NRXN1: variants seen among roughly 807,000 people sequenced by gnomAD.
NRXN1 encodes neurexin 1.
In NRXN1, 39 loss-of-function variants were observed where a neutral mutation model predicts 150.9. The observed-to-expected ratio is 0.26, with a 90% CI of 0.20 to 0.34. The LOEUF is 0.34. NRXN1 is among the 10% of genes least tolerant of loss of function. The pLI is 1.00. For missense variants in NRXN1, 1,815 were observed against 1,949.9 expected, an observed-to-expected ratio of 0.93 and a Z score of 1.30; for synonymous variants, 924 against 757.0, an observed-to-expected ratio of 1.22 and a Z score of -3.62.
At chr2:50,664,662 C>T (rs1052130839) in intron 5 of NRXN1, among the ~76,000 whole-genome samples, 5 of 151,540 alleles carry the variant, frequency 3.3e-5, no homozygotes, top group East Asian at 2.0e-4. Flanking sequence ...CTAGCTAGCT[C>T]ATCTCATCCA....
chr2:50,009,660 AAGAG>A (rs1402908464), intron 21 of NRXN1, among the ~76,000 whole-genome samples: 2 of 152,142 alleles, frequency 1.3e-5, no homozygotes, highest in Non-Finnish European at 1.5e-5. Context: ...ATCGTACAAA[AAGAG>A]AGACATATCC....
chr2:50,736,238 C>T (rs1698730677), intron 5 of NRXN1, among the ~76,000 whole-genome samples: 1 of 152,118 alleles, frequency 6.6e-6, no homozygotes, highest in African/African-American at 2.4e-5. Flanking sequence ...TTACATTAAA[C>T]ATCTTGTCAT....
intron 18 of NRXN1, among the ~76,000 whole-genome samples, chr2:50,133,860 A>C (rs1705949575): frequency 6.6e-6 from 1 of 152,214 alleles, no homozygotes; most frequent in Non-Finnish European, 1.5e-5. Context: ...GAAGACTAGG[A>C]TACATTTATT....
intron 5 of NRXN1, among the ~76,000 whole-genome samples, chr2:50,904,969 T>A (rs919045218): frequency 1.3e-5 from 2 of 152,094 alleles, no homozygotes; most frequent in South Asian, 4.1e-4. Context: ...ATTCAACTAC[T>A]CCAATGTCTT....
At chr2:50,589,035 C>G (rs780737360) in intron 8 of NRXN1, 1 of 151,966 alleles carries the variant, frequency 6.6e-6, no homozygotes, top group African/African-American at 2.4e-5. Context: ...ATCCCGAAGC[C>G]CGGTAGGATG....
intron 17 of NRXN1, among the ~76,000 whole-genome samples, chr2:50,444,772 T>TC (rs764084252): frequency 2.3e-4 from 35 of 152,314 alleles, no homozygotes; most frequent in Non-Finnish European, 4.6e-4. Flanking sequence ...AACAGTGGTA[T>TC]CCTGAGCTGT....
chr2:50,223,931 A>G (rs1273466287), intron 18 of NRXN1, among the ~76,000 whole-genome samples: 2 of 151,954 alleles, frequency 1.3e-5, no homozygotes, highest in Non-Finnish European at 2.9e-5. Flanking sequence ...CATAAGGCCA[A>G]TACCCTCCTA....
intron 8 of NRXN1, among the ~76,000 whole-genome samples, chr2:50,568,418 C>T (rs1406928192): frequency 2.0e-5 from 3 of 152,046 alleles, no homozygotes; most frequent in African/African-American, 7.2e-5. Flanking sequence ...AATACCAGAA[C>T]ATGCAGAAGT....
chr2:50,492,975 C>A (rs1558824738), intron 15 of NRXN1, among the ~76,000 whole-genome samples: 1 of 152,116 alleles, frequency 6.6e-6, no homozygotes, highest in Non-Finnish European at 1.5e-5. Flanking sequence ...CTTGGTTGGT[C>A]TGAGATAGGA....
intron 17 of NRXN1, among the ~76,000 whole-genome samples, chr2:50,452,441 T>C (rs1361846733): frequency 3.3e-5 from 5 of 152,204 alleles, no homozygotes; most frequent in Non-Finnish European, 5.9e-5. Context: ...CCTCATTTTA[T>C]AATGAGGAAA....
chr2:51,016,367 G>A, intron 2 of NRXN1, among the ~76,000 whole-genome samples: 1 of 152,060 alleles, frequency 6.6e-6, no homozygotes, highest in Middle Eastern at 3.2e-3. Context: ...ATCTGACAAA[G>A]GGCTAATATC....
intron 8 of NRXN1, among the ~76,000 whole-genome samples, chr2:50,590,247 C>CT (rs35793921): frequency 2.0e-5 from 3 of 152,048 alleles, no homozygotes; most frequent in South Asian, 2.1e-4. Flanking sequence ...ATTGTATTTA[C>CT]TTTTTTAAAA....
chr2:50,479,864 C>A (rs1195573995), intron 15 of NRXN1, among the ~76,000 whole-genome samples: 1 of 149,202 alleles, frequency 6.7e-6, no homozygotes, highest in Non-Finnish European at 1.5e-5. Flanking sequence ...ACCTCCGCCT[C>A]CTGGGTTCAA....
chr2:50,431,441 G>A (rs2084956324), intron 17 of NRXN1, among the ~76,000 whole-genome samples: 1 of 152,082 alleles, frequency 6.6e-6, no homozygotes, highest in African/African-American at 2.4e-5. Flanking sequence ...CTGAGATTGG[G>A]CATTTTTCAA....
chr2:50,019,641 C>CAAAA (rs764073226), intron 21 of NRXN1, among the ~76,000 whole-genome samples: 7 of 25,554 alleles, frequency 2.7e-4, no homozygotes, highest in Non-Finnish European at 3.2e-4. Flanking sequence ...GATTCCGTCT[C>CAAAA]AAAAAAAAAA....
chr2:50,710,166 G>T (rs1559153700), intron 5 of NRXN1, among the ~76,000 whole-genome samples: 1 of 152,176 alleles, frequency 6.6e-6, no homozygotes, highest in Non-Finnish European at 1.5e-5. Context: ...CTGCAGACTT[G>T]TATTACCACT....
chr2:50,633,743 T>C (rs1038134153), intron 5 of NRXN1, among the ~76,000 whole-genome samples: 5 of 152,020 alleles, frequency 3.3e-5, no homozygotes. Flanking sequence ...AATCCCCTAT[T>C]CTAGATATTA....
In NRXN1 at chr2:51,028,953, G is replaced by A; in HGVS notation, c.-680C>T. The A allele has an allele frequency of 6.6e-6, 1 of 152,214 alleles. No individual in the cohort carries two copies. The highest frequency in any genetic ancestry group is 1.9e-4 in the East Asian group (1 of 5,170). The allele number at this position is 152,214 out of a possible 1,614,324, so 9.4% of individuals were successfully genotyped here. A position where few individuals can be genotyped will look rare whatever the true frequency, so the allele number is the denominator to read the frequency against. On this transcript the variant is annotated 5_prime_UTR_variant, in exon 2 of 23. Coordinates refer to ENST00000401669, the MANE Select transcript of NRXN1 (RefSeq NM_001330078.2). ...GGGCTTCAGCACCGCTGCAGCCAAA[G>A]CCTAATTCCTTGTGCGTGGTCTCAC...
At chr2:50,723,579 T>A (rs1170613526) in intron 5 of NRXN1, among the ~76,000 whole-genome samples, 1 of 152,200 alleles carries the variant, frequency 6.6e-6, no homozygotes, top group East Asian at 1.9e-4. Context: ...GGCCAGCTCA[T>A]CTGAATTCAA....
Sources: gnomAD v4.1 joint callset for allele counts (sites outside exome capture counted in the v4.1 genomes callset) on GRCh38, gnomAD v4.1.1 for gene constraint, MANE v1.5 for transcripts, NCBI Gene and HGNC (gene_info 2026-07-23, HGNC 2026-07-21) for gene names.